Variants in SYT2 observed in about 807,000 individuals in gnomAD.
SYT2 encodes the protein synaptotagmin-2.
In SYT2, 15 loss-of-function variants were observed where a neutral mutation model predicts 39.9. The observed-to-expected ratio is 0.38, with a 90% CI of 0.25 to 0.58. The LOEUF is 0.58. Among genes scored for constraint, SYT2 ranks in the 20% least tolerant of loss-of-function variants. SYT2 has a pLI of 0.70. For missense variants in SYT2, 389 were observed against 530.3 expected (o/e 0.73, Z 2.62); for synonymous variants, 181 against 204.5 (o/e 0.89, Z 0.98).
At chr1:202,606,944 GT>G (rs895200999) in intron 1 of SYT2, among the ~76,000 whole-genome samples, 1 of 151,668 alleles carries the variant, frequency 6.6e-6, no homozygotes, top group Non-Finnish European at 1.5e-5. Context: ...TTCCTTTATT[GT>G]TTTTTATTAT....
intron 1 of SYT2, among the ~76,000 whole-genome samples, chr1:202,700,687 C>G (rs1179151626): frequency 6.6e-6 from 1 of 152,136 alleles, no homozygotes; most frequent in Non-Finnish European, 1.5e-5. Flanking sequence ...CATTGCAAAT[C>G]TCTTTAATGT....
chr1:202,695,455 C>G (rs1218673440), intron 1 of SYT2, among the ~76,000 whole-genome samples: 1 of 152,156 alleles, frequency 6.6e-6, no homozygotes, highest in Non-Finnish European at 1.5e-5. Context: ...ACCCTCCAAA[C>G]CCAGCCTCCC....
At chr1:202,673,300 G>A (rs747658123) in intron 1 of SYT2, among the ~76,000 whole-genome samples, 8 of 152,178 alleles carry the variant, frequency 5.3e-5, no homozygotes, top group Non-Finnish European at 7.3e-5. Context: ...CAGCTTCAGC[G>A]TTGGAACATG....
At chr1:202,609,519 G>A (rs1290371758) in intron 1 of SYT2, among the ~76,000 whole-genome samples, 5 of 152,174 alleles carry the variant, frequency 3.3e-5, no homozygotes, top group Non-Finnish European at 7.3e-5. Context: ...GTGTAAAAGT[G>A]TTCCTATTTC....
At chr1:202,605,527 C>A (rs1690671760) in intron 2 of SYT2, 68 bp downstream of exon 2, 2 of 1,437,858 alleles carry the variant, frequency 1.4e-6, no homozygotes, top group South Asian at 1.2e-5. Context: ...CCAGTGGTAT[C>A]CCCACCCTTC....
At chr1:202,682,046 TCCCAGACCACTCTG>T (rs1653539788) in intron 1 of SYT2, among the ~76,000 whole-genome samples, 1 of 152,144 alleles carries the variant, frequency 6.6e-6, no homozygotes, top group African/African-American at 2.4e-5. Flanking sequence ...AAATCCAGCC[TCCCAGACCACTCTG>T]CCCAGAGCCA....
chr1:202,687,353 T>A (rs574808076), intron 1 of SYT2, among the ~76,000 whole-genome samples: 1 of 152,228 alleles, frequency 6.6e-6, no homozygotes, highest in South Asian at 2.1e-4. Flanking sequence ...TTTGTGCTGC[T>A]CTCTCCTGAC....
chr1:202,612,848 A>G (rs898487330), intron 1 of SYT2, among the ~76,000 whole-genome samples: 9 of 152,250 alleles, frequency 5.9e-5, no homozygotes, highest in African/African-American at 1.9e-4. Flanking sequence ...TTTCCCACTT[A>G]TTTAGACCTT....
At chr1:202,620,370 G>T (rs562381342) in intron 1 of SYT2, among the ~76,000 whole-genome samples, 1 of 152,146 alleles carries the variant, frequency 6.6e-6, no homozygotes, top group Non-Finnish European at 1.5e-5. Context: ...ACTGCCTCTG[G>T]CCCCCTTTGC....
chr1:202,646,591 C>T (rs921613222), intron 1 of SYT2, among the ~76,000 whole-genome samples: 2 of 152,216 alleles, frequency 1.3e-5, no homozygotes, highest in African/African-American at 4.8e-5. Context: ...TGACTACAGG[C>T]AAATTGCATA....
chr1:202,636,848 T>C lies in SYT2; in HGVS notation c.-17-31059A>G, dbSNP rs563616351. On this transcript the variant is annotated intron_variant, in intron 1 of 8. Transcript: ENST00000367268. ...AGCTATTTCATTTCCATTTTACAGATGAGGAAACTGAGGTAACAAGTGTTT... is the reference window on the plus strand; with the variant it reads ...AGCTATTTCATTTCCATTTTACAGACGAGGAAACTGAGGTAACAAGTGTTT... Among the ~76,000 whole-genome samples, 3 of 152,320 alleles carry C rather than the reference T, an allele frequency of 2.0e-5. No individual in the cohort carries two copies. The East Asian group carries it at 5.8e-4, about 29-fold the overall frequency.
intron 1 of SYT2, among the ~76,000 whole-genome samples, chr1:202,655,942 G>A (rs1558450589): frequency 6.6e-6 from 1 of 152,264 alleles, no homozygotes; most frequent in East Asian, 1.9e-4. Context: ...AAAAGTGCTG[G>A]GCCAGATAGG....
At chr1:202,600,321 G>C in intron 7 of SYT2, 36 bp downstream of exon 7, 1 of 1,566,152 alleles carries the variant, frequency 6.4e-7, no homozygotes, top group Non-Finnish European at 8.8e-7. Flanking sequence ...TGGCTCGCTG[G>C]TGCCACCCAA....
chr1:202,686,408 A>G (rs949989146), intron 1 of SYT2, among the ~76,000 whole-genome samples: 1 of 152,166 alleles, frequency 6.6e-6, no homozygotes, highest in African/African-American at 2.4e-5. Flanking sequence ...TGTCATCTCT[A>G]TCTTGTCTTA....
rs58802666 is a variant in SYT2, at chr1:202,626,398, C to CTTTT, written c.-17-20613_-17-20610dup. 8.8e-4 allele frequency among the ~76,000 whole-genome samples: 64 copies of CTTTT among 72,454 alleles called. 11 individuals are homozygous for CTTTT. The highest frequency in any genetic ancestry group is 1.2e-3 in the Non-Finnish European group (45 of 36,560). 47.5% of individuals were successfully genotyped at this position (72,454 alleles called of 152,430 possible). ...TGCATCTCCCAAGACAGCCTCTCAGCTTTTTTTTTTTTTTTTTTTTTTTTT... is the reference window on the plus strand; with the variant it reads ...TGCATCTCCCAAGACAGCCTCTCAGCTTTTTTTTTTTTTTTTTTTTTTTTTTTTT... On this transcript the variant is annotated intron_variant, in intron 1 of 8. Coordinates refer to ENST00000367268, the MANE Select transcript of SYT2 (RefSeq NM_177402.5).
intron 1 of SYT2, among the ~76,000 whole-genome samples, chr1:202,648,137 G>T (rs1692124962): frequency 6.6e-6 from 1 of 152,172 alleles, no homozygotes; most frequent in South Asian, 2.1e-4. Flanking sequence ...AAAAAACTTA[G>T]AACGTCATCT....
rs1323244686 is a variant in SYT2 at position 202,617,732 on chromosome 1, C to A, written c.-17-11943G>T. Reference sequence around the variant, plus strand: ...TGCTTTCCCAGCTCTCCATTCTCATCCCCATGGTACTCATGCAGCTTGTGA... The same window carrying A: ...TGCTTTCCCAGCTCTCCATTCTCATACCCATGGTACTCATGCAGCTTGTGA... On this transcript the variant is annotated intron_variant, in intron 1 of 8. Transcript: ENST00000367268. Among the ~76,000 whole-genome samples the A allele has an allele frequency of 1.1e-4, 17 of 152,280 alleles. No individual in the cohort carries two copies. The South Asian group carries it at 1.2e-3, about 11-fold the overall frequency.
chr1:202,641,882 G>C (rs1691926266), intron 1 of SYT2, among the ~76,000 whole-genome samples: 1 of 152,182 alleles, frequency 6.6e-6, no homozygotes, highest in African/African-American at 2.4e-5. Flanking sequence ...TGGAAAGCCG[G>C]CCTTTCTCCC....
intron 1 of SYT2, among the ~76,000 whole-genome samples, chr1:202,608,188 TATG>T (rs1169320598): frequency 1.3e-5 from 2 of 152,236 alleles, no homozygotes; most frequent in African/African-American, 2.4e-5. Context: ...TTTCATTTAG[TATG>T]ATGTTTTCAA....
Sources: allele counts gnomAD v4.1 joint callset (sites outside exome capture counted in the v4.1 genomes callset), GRCh38; gene constraint gnomAD v4.1.1; transcripts MANE v1.5; gene names NCBI Gene and HGNC (gene_info 2026-07-23, HGNC 2026-07-21).